Variants in LEKR1 observed in about 807,000 individuals in gnomAD.
The protein encoded by LEKR1 is leucine, glutamate and lysine rich 1.
A neutral mutation model predicts 72.4 loss-of-function variants in LEKR1; 59 were observed. The ratio of observed to expected loss-of-function variants is 0.82; its 90% CI spans 0.66 to 1.01. The LOEUF is 1.01. Among genes scored for constraint, LEKR1 ranks in the 50% least tolerant of loss-of-function variants. The pLI, the probability that LEKR1 is intolerant of heterozygous loss-of-function variation, is 0.00. For missense variants in LEKR1, 728 were observed against 759.2 expected, an observed-to-expected ratio of 0.96 and a Z score of 0.48; for synonymous variants, 257 against 263.2, an observed-to-expected ratio of 0.98 and a Z score of 0.23.
At chr3:156,890,388 A>G (rs968506450) in intron 3 of LEKR1, among the ~76,000 whole-genome samples, 2 of 152,214 alleles carry the variant, frequency 1.3e-5, no homozygotes, top group Non-Finnish European at 2.9e-5. Context: ...AATCTAAATC[A>G]GTAAATATCT....
intron 3 of LEKR1, among the ~76,000 whole-genome samples, chr3:156,865,312 A>G (rs1262033425): frequency 1.3e-5 from 2 of 151,996 alleles, no homozygotes; most frequent in East Asian, 3.8e-4. Context: ...CCTTTGCCTC[A>G]GTTTTCTAGT....
chr3:156,893,845 G>T (rs1720914288), intron 3 of LEKR1, among the ~76,000 whole-genome samples: 1 of 152,168 alleles, frequency 6.6e-6, no homozygotes, highest in Non-Finnish European at 1.5e-5. Flanking sequence ...CATAGTCAAA[G>T]AAACTATCTA....
At chr3:156,880,329 T>C (rs1719140177) in intron 3 of LEKR1, among the ~76,000 whole-genome samples, 1 of 152,146 alleles carries the variant, frequency 6.6e-6, no homozygotes, top group Non-Finnish European at 1.5e-5. Flanking sequence ...TCACCACCAA[T>C]CCCACAGAAA....
chr3:156,839,335 A>G (rs754536306), intron 2 of LEKR1, among the ~76,000 whole-genome samples: 2 of 152,246 alleles, frequency 1.3e-5, no homozygotes, highest in African/African-American at 2.4e-5. Flanking sequence ...TGTCAATGCT[A>G]TGGAAGAGAA....
intron 2 of LEKR1, among the ~76,000 whole-genome samples, chr3:156,835,922 G>A (rs1713078129): frequency 7.7e-6 from 1 of 129,324 alleles, no homozygotes; most frequent in South Asian, 2.6e-4. Context: ...CACCAAGGCT[G>A]GAGTGCAGTG....
chr3:157,013,956 A>G (rs1212900986), intron 10 of LEKR1, among the ~76,000 whole-genome samples: 1 of 152,122 alleles, frequency 6.6e-6, no homozygotes, highest in Non-Finnish European at 1.5e-5. Context: ...AAAGCACACA[A>G]TAAGATCAAT....
At position 157,045,819 on chromosome 3, in the gene LEKR1, T is replaced by A; in HGVS notation, c.*69T>A. 1 of 1,285,422 alleles carries A rather than the reference T, an allele frequency of 7.8e-7. No homozygotes were observed. Among genetic ancestry groups the A allele is most frequent in the Non-Finnish European group, 1.1e-6 (1 of 919,936 alleles). The allele number at this position is 1,285,422 out of a possible 1,614,324, so 79.6% of individuals were successfully genotyped here. A position where few individuals can be genotyped will look rare whatever the true frequency, so the allele number is the denominator to read the frequency against. ...TTCAGAGAGTGCCAGGAATTCACTG[T>A]AACTGAGAATGACAATGATAAAATT... On this transcript the variant is annotated 3_prime_UTR_variant, in exon 13 of 13. Coordinates refer to ENST00000356539, the MANE Select transcript of LEKR1 (RefSeq NM_001004316.3).
intron 6 of LEKR1, among the ~76,000 whole-genome samples, chr3:156,970,289 A>G (rs1576920386): frequency 6.6e-6 from 1 of 152,240 alleles, no homozygotes; most frequent in Non-Finnish European, 1.5e-5. Flanking sequence ...AGGCTGGAGA[A>G]GGAAATAAAG....
At chr3:156,846,042 C>T (rs909019412) in intron 2 of LEKR1, among the ~76,000 whole-genome samples, 6 of 152,042 alleles carry the variant, frequency 3.9e-5, no homozygotes, top group African/African-American at 1.4e-4. Context: ...TTTGTTATAT[C>T]TACACCTGAG....
chr3:156,980,286 T>G lies in LEKR1; in HGVS notation c.827+1011T>G, dbSNP rs562432148. 7.0e-4 allele frequency among the ~76,000 whole-genome samples: 107 copies of G among 152,308 alleles called. 1 individual carries two copies. Among genetic ancestry groups the G allele is most frequent in the Middle Eastern group, 6.8e-3 (2 of 294 alleles). On this transcript the variant is annotated intron_variant, in intron 7 of 12. Coordinates refer to ENST00000356539, the MANE Select transcript of LEKR1 (RefSeq NM_001004316.3). ...AAAATCAATGTGTTTAATAAAATAC[T>G]GAACACAAGAAGGAACAAATACCAA...
At chr3:156,973,499 A>G (rs943874128) in intron 6 of LEKR1, among the ~76,000 whole-genome samples, 1 of 152,146 alleles carries the variant, frequency 6.6e-6, no homozygotes, top group African/African-American at 2.4e-5. Flanking sequence ...TGAATCTAAG[A>G]TTAAGAATAA....
rs568724602 is a variant in LEKR1 at position 156,971,052 on chromosome 3, A to G, written c.746-8142A>G. On this transcript the variant is annotated intron_variant, in intron 6 of 12. Coordinates refer to ENST00000356539, the MANE Select transcript of LEKR1 (RefSeq NM_001004316.3). ...GCCAAGTCAATCCTAAGCCAAAAGA[A>G]CAAAGCTGGAGGCATCACGCTACCT... Among the ~76,000 whole-genome samples, 437 of 152,196 alleles carry G rather than the reference A, an allele frequency of 2.9e-3. 1 individual carries two copies. Among genetic ancestry groups the G allele is most frequent in the African/African-American group, 0.01 (416 of 41,542 alleles).
intron 5 of LEKR1, among the ~76,000 whole-genome samples, chr3:156,932,418 G>A (rs1267910988): frequency 6.6e-6 from 1 of 152,046 alleles, no homozygotes; most frequent in Non-Finnish European, 1.5e-5. Flanking sequence ...TAACAAACAT[G>A]TAAAAAGTAT....
intron 12 of LEKR1, among the ~76,000 whole-genome samples, chr3:157,031,866 C>T (rs750443778): frequency 6.6e-6 from 1 of 152,112 alleles, no homozygotes; most frequent in Non-Finnish European, 1.5e-5. Context: ...AAGCCAAAGC[C>T]TCTAAAGGGC....
intron 6 of LEKR1, among the ~76,000 whole-genome samples, chr3:156,971,756 G>A (rs1296624971): frequency 1.3e-5 from 2 of 152,114 alleles, no homozygotes; most frequent in Non-Finnish European, 2.9e-5. Flanking sequence ...ATCATCACTG[G>A]CCATCAGAGA....
chr3:156,867,248 T>C (rs1322590344), intron 3 of LEKR1, among the ~76,000 whole-genome samples: 7 of 152,150 alleles, frequency 4.6e-5, no homozygotes, highest in African/African-American at 1.7e-4. Context: ...AAGACGACTA[T>C]AAAATTTGTA....
intron 3 of LEKR1, among the ~76,000 whole-genome samples, chr3:156,900,815 T>A (rs1194288358): frequency 1.3e-5 from 2 of 152,156 alleles, no homozygotes; most frequent in African/African-American, 4.8e-5. Flanking sequence ...CTATACAGTT[T>A]TTTTGTGTTT....
chr3:156,888,654 T>G (rs891450357), intron 3 of LEKR1, among the ~76,000 whole-genome samples: 3 of 152,204 alleles, frequency 2.0e-5, no homozygotes, highest in Non-Finnish European at 4.4e-5. Context: ...TGTCTTCTCT[T>G]TCTCTAACCT....
At chr3:156,884,387 C>A (rs1719837547) in intron 3 of LEKR1, among the ~76,000 whole-genome samples, 1 of 151,720 alleles carries the variant, frequency 6.6e-6, no homozygotes, top group Non-Finnish European at 1.5e-5. Flanking sequence ...TAAGATTTAT[C>A]TTTTAAGGAA....
Sources: gnomAD v4.1 joint callset for allele counts (sites outside exome capture counted in the v4.1 genomes callset) on GRCh38, gnomAD v4.1.1 for gene constraint, MANE v1.5 for transcripts, NCBI Gene and HGNC (gene_info 2026-07-23, HGNC 2026-07-21) for gene names.